GSPT1: variants seen among roughly 807,000 people sequenced by gnomAD.
The protein encoded by GSPT1 is G1 to S phase transition 1, also known as eukaryotic peptide chain release factor GTP-binding subunit ERF3A.
GSPT1 carries 20 observed loss-of-function variants against 72.5 expected under a neutral mutation model. That is an observed-to-expected ratio of 0.28 (90% confidence interval 0.19 to 0.40). The LOEUF is 0.40. Ranked by LOEUF, GSPT1 falls within the 10% of genes least tolerant of loss-of-function variation. The probability of loss-of-function intolerance (pLI) is 1.00; values close to 1 mark genes in which losing one functional copy is unlikely to be tolerated. For synonymous variants in GSPT1, 334 were observed against 293.5 expected, an observed-to-expected ratio of 1.14 and a Z score of -1.41; for missense variants, 580 against 811.9, an observed-to-expected ratio of 0.71 and a Z score of 3.47.
Position 11,896,552 on chromosome 16 carries a change from G to A in GSPT1, c.664+6C>T. On this transcript the variant is annotated splice_donor_region_variant and intron_variant, in intron 4 of 14. Transcript: ENST00000434724. ...AGTAACTTTAATTGCTATGAGAGCAGCTTACCTACGTGCCCAATGAATACT... is the reference window on the plus strand; with the variant it reads ...AGTAACTTTAATTGCTATGAGAGCAACTTACCTACGTGCCCAATGAATACT... The A allele has an allele frequency of 6.6e-7, 1 of 1,517,682 alleles. No individual in the cohort carries two copies. The highest frequency in any genetic ancestry group is 9.1e-7 in the Non-Finnish European group (1 of 1,103,704). 94.0% of individuals were successfully genotyped at this position (1,517,682 alleles called of 1,614,324 possible). A position where few individuals can be genotyped will look rare whatever the true frequency, so the allele number is the denominator to read the frequency against.
chr16:11,890,343 T>C (rs547056322), intron 6 of GSPT1, among the ~76,000 whole-genome samples: 1 of 152,176 alleles, frequency 6.6e-6, no homozygotes, highest in African/African-American at 2.4e-5. Context: ...GTGGGAGCAA[T>C]GGTTACTTGC....
intron 7 of GSPT1, 69 bp from the exon 8 acceptor site, chr16:11,887,000 T>G: frequency 8.5e-7 from 1 of 1,180,428 alleles, no homozygotes; most frequent in Non-Finnish European, 1.2e-6. Context: ...TAAAACATCT[T>G]TCCTTTCAGT....
At chr16:11,874,751 C>T (rs143296774) in intron 14 of GSPT1, among the ~76,000 whole-genome samples, 67 of 152,242 alleles carry the variant, frequency 4.4e-4, no homozygotes, top group African/African-American at 1.5e-3. Context: ...GGGCTTAGCA[C>T]AGTTCCTGAC....
At chr16:11,914,492 GTGAGAACTA>G (rs2054602030) in intron 1 of GSPT1, among the ~76,000 whole-genome samples, 1 of 152,210 alleles carries the variant, frequency 6.6e-6, no homozygotes, top group African/African-American at 2.4e-5. Context: ...AGAAAGACAC[GTGAGAACTA>G]TTAAATTATA....
At chr16:11,911,295 A>C (rs2054553455) in intron 1 of GSPT1, among the ~76,000 whole-genome samples, 1 of 152,224 alleles carries the variant, frequency 6.6e-6, no homozygotes, top group South Asian at 2.1e-4. Context: ...GAGATGTTCC[A>C]GCTTAAAACT....
chr16:11,888,879 A>T (rs1324429718), intron 6 of GSPT1, among the ~76,000 whole-genome samples: 1 of 152,256 alleles, frequency 6.6e-6, no homozygotes, highest in Admixed American at 6.5e-5. Context: ...AGTTGACTAC[A>T]CAGAAAGACT....
At position 11,876,242 on chromosome 16, in the gene GSPT1, C is replaced by T. The variant is rs185729874; in HGVS notation, c.1603-67G>A. 1.0e-4 allele frequency: 98 copies of T among 983,916 alleles called. No homozygotes were observed. In the African/African-American group the frequency reaches 1.3e-3, roughly 13 times the overall value. The allele number at this position is 983,916 out of a possible 1,614,324, so 60.9% of individuals were successfully genotyped here. A position where few individuals can be genotyped will look rare whatever the true frequency, so the allele number is the denominator to read the frequency against. ...TAAATAAGAATTCAATGTTCTCAAG[C>T]GCCATATAAATCCCAAGAATTAGTG... On this transcript the variant is annotated intron_variant, in intron 12 of 14. Coordinates refer to ENST00000434724, the MANE Select transcript of GSPT1 (RefSeq NM_002094.4).
chr16:11,884,309 T>C (rs559629412), intron 10 of GSPT1, among the ~76,000 whole-genome samples: 1 of 152,328 alleles, frequency 6.6e-6, no homozygotes, highest in Non-Finnish European at 1.5e-5. Context: ...GAAAATCCTT[T>C]GAGCCCAGCA....
intron 3 of GSPT1, 45 bp downstream of exon 3, chr16:11,897,793 GAA>G (rs1231391255): frequency 4.3e-6 from 4 of 929,552 alleles, no homozygotes; most frequent in Admixed American, 2.0e-5. Context: ...TCTTGAGAGT[GAA>G]AGAGTTTCAT....
At chr16:11,901,530 G>T (rs33631) in intron 1 of GSPT1, among the ~76,000 whole-genome samples, 86 of 151,820 alleles carry the variant, frequency 5.7e-4, no homozygotes, top group African/African-American at 2.0e-3. Context: ...GTTTACCACT[G>T]AGTGCAACTG....
chr16:11,875,188 CAAAA>C (rs908357397), intron 14 of GSPT1, among the ~76,000 whole-genome samples: 4 of 148,068 alleles, frequency 2.7e-5, no homozygotes, highest in African/African-American at 1.0e-4. Context: ...GACTCCATCT[CAAAA>C]AAAGGAAAGG....
chr16:11,885,402 T>C, intron 9 of GSPT1, 128 bp from the exon 10 acceptor site: 1 of 611,114 alleles, frequency 1.6e-6, no homozygotes, highest in Non-Finnish European at 3.0e-6. Flanking sequence ...TCAACCACTT[T>C]ATTATCCATT....
intron 11 of GSPT1, 92 bp downstream of exon 11, chr16:11,882,923 C>G: frequency 1.3e-6 from 1 of 791,210 alleles, no homozygotes; most frequent in Non-Finnish European, 2.1e-6. Flanking sequence ...CGCCACTGTA[C>G]TCCTGCCTCG....
At chr16:11,896,873 G>T in intron 3 of GSPT1, 88 bp from the exon 4 acceptor site, 1 of 848,142 alleles carries the variant, frequency 1.2e-6, no homozygotes, top group Non-Finnish European at 1.9e-6. Context: ...ACAAATGGAA[G>T]TTTGCATATG....
At chr16:11,888,134 G>A (rs1231096337) in intron 6 of GSPT1, among the ~76,000 whole-genome samples, 2 of 150,472 alleles carry the variant, frequency 1.3e-5, no homozygotes, top group Admixed American at 6.6e-5. Context: ...CAGCCTGGGC[G>A]ACAGAGCAAG....
intron 1 of GSPT1, among the ~76,000 whole-genome samples, chr16:11,904,349 C>A (rs954664410): frequency 6.6e-6 from 1 of 152,070 alleles, no homozygotes; most frequent in Non-Finnish European, 1.5e-5. Context: ...ACTACAGGCG[C>A]GCGCCACCAC....
chr16:11,878,172 G>T (rs2054070763), intron 11 of GSPT1, among the ~76,000 whole-genome samples: 2 of 152,172 alleles, frequency 1.3e-5, no homozygotes, highest in African/African-American at 4.8e-5. Context: ...CTGGAGTGCA[G>T]TGGTGCGATC....
chr16:11,910,746 A>G (rs1361133283), intron 1 of GSPT1, among the ~76,000 whole-genome samples: 3 of 152,354 alleles, frequency 2.0e-5, no homozygotes, highest in South Asian at 4.1e-4. Flanking sequence ...CACGCTGTGC[A>G]ACTTCAGAAA....
At chr16:11,902,627 G>A (rs1028702268) in intron 1 of GSPT1, among the ~76,000 whole-genome samples, 2 of 150,116 alleles carry the variant, frequency 1.3e-5, no homozygotes, top group Non-Finnish European at 1.5e-5. Context: ...TCGCTCTGTC[G>A]CCCAGGTTGG....
Sources: gnomAD v4.1 joint callset for allele counts (sites outside exome capture counted in the v4.1 genomes callset) on GRCh38, gnomAD v4.1.1 for gene constraint, MANE v1.5 for transcripts, NCBI Gene and HGNC (gene_info 2026-07-23, HGNC 2026-07-21) for gene names.